FAM53A: variants seen among roughly 807,000 people sequenced by gnomAD.
FAM53A encodes the protein protein FAM53A.
A neutral mutation model predicts 26.6 loss-of-function variants in FAM53A; 28 were observed. That is an observed-to-expected ratio of 1.05 (90% CI 0.78 to 1.45). The LOEUF (loss-of-function observed/expected upper bound fraction) is 1.45. Among genes scored for constraint, FAM53A ranks in the 40% most tolerant of loss-of-function variants. The pLI is 0.00. For synonymous variants in FAM53A, 290 were observed against 253.1 expected (o/e 1.15, Z -1.38); for missense variants, 650 against 575.8 (o/e 1.13, Z -1.32).
the FAM53A span, among the ~76,000 whole-genome samples, chr4:1,596,660 G>A: frequency 5.9e-5 from 9 of 152,144 alleles, no homozygotes; most frequent in South Asian, 4.1e-4. Context: ...CACGGTGTCC[G>A]CCCGCCGCGG....
At chr4:1,604,635 C>T in the FAM53A span, among the ~76,000 whole-genome samples, 1 of 152,146 alleles carries the variant, frequency 6.6e-6, no homozygotes, top group Non-Finnish European at 1.5e-5. Flanking sequence ...CCTACTTCCC[C>T]CAGGACAGCA....
the FAM53A span, among the ~76,000 whole-genome samples, chr4:1,574,857 G>A: frequency 2.6e-5 from 4 of 152,250 alleles, no homozygotes; most frequent in Non-Finnish European, 5.9e-5. Context: ...GGGCCTCCCC[G>A]GACGGACCGG....
intron 1 of FAM53A, among the ~76,000 whole-genome samples, chr4:1,619,787 C>G (rs1465688236): frequency 6.6e-6 from 1 of 152,228 alleles, no homozygotes. Context: ...ACACGCAAAG[C>G]CCTGTCCTGG....
At chr4:1,619,363 G>C (rs1171272443) in intron 1 of FAM53A, among the ~76,000 whole-genome samples, 1 of 152,192 alleles carries the variant, frequency 6.6e-6, no homozygotes, top group Non-Finnish European at 1.5e-5. Flanking sequence ...CAAGGCAGGA[G>C]GGCAGAGGCC....
chr4:1,579,040 C>T, the FAM53A span, among the ~76,000 whole-genome samples: 10 of 151,048 alleles, frequency 6.6e-5, no homozygotes, highest in Middle Eastern at 3.4e-3. Flanking sequence ...GGGGCGCTCC[C>T]CCCATTGCAC....
intron 4 of FAM53A, among the ~76,000 whole-genome samples, chr4:1,648,628 A>T (rs1266956302): frequency 6.6e-6 from 1 of 152,096 alleles, no homozygotes; most frequent in Non-Finnish European, 1.5e-5. Flanking sequence ...CACTGAAGAC[A>T]CTCGTGAGCA....
upstream of FAM53A, among the ~76,000 whole-genome samples, chr4:1,685,399 C>T (rs2109103361): frequency 6.6e-6 from 1 of 151,888 alleles, no homozygotes; most frequent in African/African-American, 2.4e-5. Context: ...GTCCCCTGGC[C>T]ACCGTGGGGC....
chr4:1,635,352 C>G (rs1241053908), downstream of FAM53A, among the ~76,000 whole-genome samples: 1 of 152,170 alleles, frequency 6.6e-6, no homozygotes, highest in African/African-American at 2.4e-5. Context: ...TGGCTCACTG[C>G]AGCCTCAACC....
chr4:1,653,066 G>A (rs770100601), intron 4 of FAM53A, among the ~76,000 whole-genome samples: 53 of 143,788 alleles, frequency 3.7e-4, no homozygotes, highest in Non-Finnish European at 7.1e-4. Flanking sequence ...ACCCATAGAC[G>A]TCACATACAC....
chr4:1,599,068 G>C, the FAM53A span, among the ~76,000 whole-genome samples: 1 of 152,186 alleles, frequency 6.6e-6, no homozygotes, highest in South Asian at 2.1e-4. The surrounding 1 kb of genome is among the most constrained non-coding windows in gnomAD (Gnocchi z 6.1). Context: ...TCGTCACCGA[G>C]GCCAGGGGAT....
intron 1 of FAM53A, among the ~76,000 whole-genome samples, chr4:1,675,010 T>A (rs907684739): frequency 6.6e-6 from 1 of 150,500 alleles, no homozygotes; most frequent in South Asian, 2.1e-4. Flanking sequence ...ATGGTGGCAG[T>A]GAGAAGGATG....
the FAM53A span, among the ~76,000 whole-genome samples, chr4:1,608,849 G>C: frequency 6.6e-6 from 1 of 152,136 alleles, no homozygotes; most frequent in East Asian, 1.9e-4. Context: ...AATCAATATG[G>C]GTTCTGCTTT....
At chr4:1,624,961 G>T (rs1433379730) in intron 1 of FAM53A, among the ~76,000 whole-genome samples, 1 of 143,174 alleles carries the variant, frequency 7.0e-6, no homozygotes, top group African/African-American at 2.7e-5. Context: ...AAGCCCCCAC[G>T]TCCCGGCCCA....
chr4:1,631,190 T>G (rs1413343563), intron 1 of FAM53A, among the ~76,000 whole-genome samples: 1 of 152,164 alleles, frequency 6.6e-6, no homozygotes, highest in African/African-American at 2.4e-5. Context: ...GGCATACGAC[T>G]TGGAGCGGGG....
intron 3 of FAM53A, among the ~76,000 whole-genome samples, chr4:1,656,151 G>C (rs539488796): frequency 6.6e-6 from 1 of 152,324 alleles, no homozygotes; most frequent in African/African-American, 2.4e-5. Flanking sequence ...AGGTCCCTTA[G>C]TAACATGGGC....
intron 4 of FAM53A, among the ~76,000 whole-genome samples, chr4:1,645,126 C>T (rs1267936135): frequency 6.6e-6 from 1 of 152,190 alleles, no homozygotes; most frequent in Non-Finnish European, 1.5e-5. Context: ...CCTGGCAGTG[C>T]CTGGAGCGCA....
chr4:1,658,167 C>T (rs952825034), intron 2 of FAM53A, among the ~76,000 whole-genome samples: 2 of 151,886 alleles, frequency 1.3e-5, no homozygotes, highest in African/African-American at 4.8e-5. Context: ...GCTGCCACCA[C>T]GCCCAGCTAA....
intron 4 of FAM53A, among the ~76,000 whole-genome samples, chr4:1,643,522 C>A (rs1229182264): frequency 6.6e-6 from 1 of 151,162 alleles, no homozygotes; most frequent in Non-Finnish European, 1.5e-5. Context: ...CTTTGTGGTT[C>A]TACTATAAAA....
intron 1 of FAM53A, among the ~76,000 whole-genome samples, chr4:1,669,290 T>C (rs1714466076): frequency 6.6e-6 from 1 of 152,226 alleles, no homozygotes; most frequent in African/African-American, 2.4e-5. Context: ...CACCCCCTTC[T>C]GCTCCAAGTG....
Sources: allele counts gnomAD v4.1 joint callset (sites outside exome capture counted in the v4.1 genomes callset), GRCh38; gene constraint gnomAD v4.1.1; non-coding constraint Gnocchi (gnomAD v3.1); transcripts MANE v1.5; gene names NCBI Gene and HGNC (gene_info 2026-07-23, HGNC 2026-07-21).